KDM4C: variants seen among roughly 807,000 people sequenced by gnomAD.
The protein encoded by KDM4C is lysine demethylase 4C, also known as lysine-specific demethylase 4C.
A neutral mutation model predicts 129.3 loss-of-function variants in KDM4C; 81 were observed. That is an observed-to-expected ratio of 0.63 (90% CI 0.52 to 0.75). The LOEUF (loss-of-function observed/expected upper bound fraction) is 0.75, where lower values mean the gene tolerates loss of function less well. Ranked by LOEUF, KDM4C falls within the 30% of genes least tolerant of loss-of-function variation. KDM4C has a pLI of 0.00. For missense variants in KDM4C, 1,457 were observed against 1,304.0 expected, an observed-to-expected ratio of 1.12 and a Z score of -1.81; for synonymous variants, 573 against 456.1, an observed-to-expected ratio of 1.26 and a Z score of -3.26.
intron 17 of KDM4C, among the ~76,000 whole-genome samples, chr9:7,053,671 T>A (rs2132608196): frequency 6.6e-6 from 1 of 152,366 alleles, no homozygotes; most frequent in Admixed American, 6.5e-5. Context: ...CCTAAAACAT[T>A]TTAATGAAAA....
intron 12 of KDM4C, among the ~76,000 whole-genome samples, chr9:6,992,185 A>G (rs1159809700): frequency 1.3e-5 from 2 of 152,182 alleles, no homozygotes; most frequent in Non-Finnish European, 2.9e-5. Flanking sequence ...TGTGAAGGGA[A>G]TAGGCTATGC....
chr9:6,814,824 G>A, intron 4 of KDM4C, 79 bp downstream of exon 4: 1 of 814,766 alleles, frequency 1.2e-6, no homozygotes, highest in Non-Finnish European at 1.9e-6. Context: ...GTTTAGAAGT[G>A]TTCTTTTGTT....
chr9:7,010,028 G>A (rs1157762507), intron 12 of KDM4C, among the ~76,000 whole-genome samples: 1 of 152,072 alleles, frequency 6.6e-6, no homozygotes, highest in Non-Finnish European at 1.5e-5. Flanking sequence ...ATTATAAAAA[G>A]TTAAAATTTG....
chr9:7,014,202 G>A (rs745593446), intron 14 of KDM4C: 72 of 512,098 alleles, frequency 1.4e-4, no homozygotes, highest in Non-Finnish European at 2.0e-4. Flanking sequence ...TGTAGTATCC[G>A]TGGAGAGCAG....
intron 6 of KDM4C, among the ~76,000 whole-genome samples, chr9:6,882,803 T>TGA (rs1233741286): frequency 2.0e-5 from 3 of 147,788 alleles, no homozygotes; most frequent in Admixed American, 1.3e-4. Flanking sequence ...TGTGTGTGTG[T>TGA]GTGCGCGTGT....
At position 7,022,638 on chromosome 9, in the gene KDM4C, T is replaced by TTTTC. The variant is rs149931231; in HGVS notation, c.2259+6712_2259+6713insCTTT. Among the ~76,000 whole-genome samples the TTTTC allele has an allele frequency of 2.3e-4, 12 of 52,412 alleles. 1 individual carries two copies. The South Asian group carries it at 0.013, about 56-fold the overall frequency. The allele number at this position is 52,412 out of a possible 152,430, so 34.4% of individuals were successfully genotyped here. On this transcript the variant is annotated intron_variant, in intron 15 of 21. Transcript: ENST00000381309. ...TTCCAATTTGCAAACCCTTTATTTC[T>TTTTC]TTTTTTTTTTTTTGTCTGATTACGC...
At chr9:7,040,000 A>G (rs541613338) in intron 15 of KDM4C, among the ~76,000 whole-genome samples, 1 of 151,992 alleles carries the variant, frequency 6.6e-6, no homozygotes, top group East Asian at 1.9e-4. Flanking sequence ...TTGAGTTTTG[A>G]TTGTGAGCTT....
Position 7,043,798 on chromosome 9 carries a change from A to G in KDM4C, c.2260-3064A>G, listed in dbSNP as rs1308814263. Among the ~76,000 whole-genome samples, 14 of 152,102 alleles carry G rather than the reference A, an allele frequency of 9.2e-5. No homozygotes were observed. In the East Asian group the frequency reaches 2.3e-3, roughly 25 times the overall value. ...TCTTCACAAAGAAATAAGATTTCTT[A>G]AGTAAATCATGGCAAAAATAACTTT... On this transcript the variant is annotated intron_variant, in intron 15 of 21. Transcript: ENST00000381309.
At chr9:6,997,082 C>A (rs562486902) in intron 12 of KDM4C, among the ~76,000 whole-genome samples, 2 of 152,256 alleles carry the variant, frequency 1.3e-5, no homozygotes, top group East Asian at 3.9e-4. Context: ...TCGGTGCCTG[C>A]GTTTACAAAG....
intron 2 of KDM4C, 81 bp downstream of exon 2, chr9:6,793,213 T>C: frequency 6.7e-7 from 1 of 1,489,256 alleles, no homozygotes. Flanking sequence ...ATTTGGGACA[T>C]TGTTTCTGAA....
chr9:7,092,524 C>A (rs1352635270), intron 17 of KDM4C, among the ~76,000 whole-genome samples: 1 of 152,152 alleles, frequency 6.6e-6, no homozygotes, highest in Non-Finnish European at 1.5e-5. Context: ...CATAATTTAT[C>A]ATTGAAAACT....
At chr9:7,154,359 G>A (rs1842967697) in intron 19 of KDM4C, among the ~76,000 whole-genome samples, 1 of 152,210 alleles carries the variant, frequency 6.6e-6, no homozygotes, top group Non-Finnish European at 1.5e-5. Flanking sequence ...CAAACTATAT[G>A]CCGATTAACT....
chr9:6,816,061 C>T (rs1832028117), intron 4 of KDM4C, among the ~76,000 whole-genome samples: 2 of 152,018 alleles, frequency 1.3e-5, no homozygotes, highest in Admixed American at 1.3e-4. Flanking sequence ...AACTGTCCCC[C>T]CGCCCTCCTT....
intron 4 of KDM4C, among the ~76,000 whole-genome samples, chr9:6,819,919 A>C (rs558814504): frequency 6.6e-6 from 1 of 152,260 alleles, no homozygotes; most frequent in African/African-American, 2.4e-5. Context: ...TTTTGAAACG[A>C]ATTATAGAGT....
At chr9:6,735,132 G>C in intron 1 of KDM4C, 1 of 280,430 alleles carries the variant, frequency 3.6e-6, no homozygotes, top group South Asian at 4.0e-5. Context: ...TAGGCAAAGA[G>C]GCTACACCTG....
chr9:6,818,355 T>C (rs1588481321), intron 4 of KDM4C, among the ~76,000 whole-genome samples: 1 of 152,240 alleles, frequency 6.6e-6, no homozygotes, highest in African/African-American at 2.4e-5. Context: ...ATTTATTCTT[T>C]AGCAATAATA....
At chr9:6,852,675 A>G (rs1204260019) in intron 5 of KDM4C, among the ~76,000 whole-genome samples, 1 of 151,864 alleles carries the variant, frequency 6.6e-6, no homozygotes, top group Non-Finnish European at 1.5e-5. Context: ...ATCTGTCACT[A>G]TATTGTTTTC....
intron 19 of KDM4C, among the ~76,000 whole-genome samples, chr9:7,151,492 AT>A (rs1842725397): frequency 6.6e-6 from 1 of 152,104 alleles, no homozygotes; most frequent in African/African-American, 2.4e-5. Context: ...GCTGGGCAAC[AT>A]AGCAAGACCT....
intron 19 of KDM4C, among the ~76,000 whole-genome samples, chr9:7,150,769 G>C (rs921531985): frequency 4.6e-5 from 7 of 152,132 alleles, no homozygotes; most frequent in Admixed American, 3.3e-4. Flanking sequence ...TCACTTCAAA[G>C]GAACCAGAAA....
Sources: gnomAD v4.1 joint callset for allele counts (sites outside exome capture counted in the v4.1 genomes callset) on GRCh38, gnomAD v4.1.1 for gene constraint, MANE v1.5 for transcripts, NCBI Gene and HGNC (gene_info 2026-07-23, HGNC 2026-07-21) for gene names.